The following RMND1 variants were observed in gnomAD, a reference collection of about 807,000 sequenced individuals.
RMND1 encodes the protein required for meiotic nuclear division 1 homolog.
Under a neutral mutation model 54.0 loss-of-function variants are expected in RMND1, and 41 were observed. That is an observed-to-expected ratio of 0.76 (90% confidence interval 0.59 to 0.98). The LOEUF (loss-of-function observed/expected upper bound fraction) is 0.98. Ranked by LOEUF, RMND1 falls within the 50% of genes least tolerant of loss-of-function variation. The pLI, the probability that RMND1 is intolerant of heterozygous loss-of-function variation, is 0.00. For missense variants in RMND1, 457 were observed against 532.0 expected, an observed-to-expected ratio of 0.86 and a Z score of 1.39; for synonymous variants, 183 against 181.7, an observed-to-expected ratio of 1.01 and a Z score of -0.06.
chr6:151,433,416 G>A (rs555244344), intron 3 of RMND1, among the ~76,000 whole-genome samples, 186 bp from the exon 4 acceptor site: 9 of 151,580 alleles, frequency 5.9e-5, no homozygotes, highest in East Asian at 1.9e-4. Context: ...ATGCAAATAC[G>A]ACCACCAAAA....
chr6:151,417,738 G>C (rs1350390483), intron 9 of RMND1, among the ~76,000 whole-genome samples: 1 of 151,430 alleles, frequency 6.6e-6, no homozygotes, highest in African/African-American at 2.4e-5. Context: ...TCAAACTTCT[G>C]AACCAAATTA....
chr6:151,427,286 G>C (rs963641789), intron 6 of RMND1, among the ~76,000 whole-genome samples, 196 bp downstream of exon 6: 1 of 151,652 alleles, frequency 6.6e-6, no homozygotes, highest in Non-Finnish European at 1.5e-5. Flanking sequence ...TGAGGCAGGA[G>C]AATTGCTTGA....
chr6:151,413,064 T>A (rs9371217), intron 10 of RMND1, among the ~76,000 whole-genome samples: 50,200 of 151,958 alleles, frequency 0.33, 9,666 homozygotes, highest in African/African-American at 0.54. Context: ...CTTCTGGACA[T>A]CAGCTTATGA....
At chr6:151,421,154 T>C in intron 9 of RMND1, 91 bp downstream of exon 9, 1 of 915,424 alleles carries the variant, frequency 1.1e-6, no homozygotes, top group Non-Finnish European at 1.7e-6. Flanking sequence ...CATAAACGTG[T>C]AAATGTTTGC....
intron 10 of RMND1, among the ~76,000 whole-genome samples, chr6:151,409,124 G>C (rs1244289067): frequency 1.3e-5 from 2 of 152,180 alleles, no homozygotes; most frequent in African/African-American, 4.8e-5. Flanking sequence ...CTGGGAAAAG[G>C]TCCAGTCTGG....
intron 2 of RMND1, 60 bp downstream of exon 2, chr6:151,445,248 C>CAGCTA: frequency 6.5e-7 from 1 of 1,528,976 alleles, no homozygotes; most frequent in Non-Finnish European, 8.8e-7. Flanking sequence ...GTGCAACGCA[C>CAGCTA]ACTGGTTTAG....
chr6:151,428,148 C>T (rs1466213954), intron 5 of RMND1, among the ~76,000 whole-genome samples: 1 of 151,922 alleles, frequency 6.6e-6, no homozygotes, highest in Non-Finnish European at 1.5e-5. Context: ...AAAGTAAAGC[C>T]CAACATACTA....
chr6:151,417,295 A>G lies in RMND1; in HGVS notation c.1184T>C (p.Ile395Thr). ...AATACGTACCTTAACTCTTCGGCCA[A>G]TGCTAAGGAATTGACACGTTTTATC... ...LYDKTCQFLS[I>T]GRRVKVMNEK... The change falls in exon 10 of 12, where the codon ATT becomes ACT. Residue 395 changes from isoleucine (I) to threonine (T), a missense_variant. Coordinates refer to ENST00000444024, the MANE Select transcript of RMND1 (RefSeq NM_017909.4). 1.2e-6 allele frequency: 2 copies of G among 1,612,260 alleles called. No homozygotes were observed. The highest frequency in any genetic ancestry group is 8.5e-7 in the Non-Finnish European group (1 of 1,179,562).
At chr6:151,411,021 G>A (rs1234207141) in intron 10 of RMND1, among the ~76,000 whole-genome samples, 1 of 152,124 alleles carries the variant, frequency 6.6e-6, no homozygotes, top group African/African-American at 2.4e-5. Flanking sequence ...GTGCAGTGGT[G>A]CAATCTCAGC....
intron 1 of RMND1, among the ~76,000 whole-genome samples, chr6:151,448,815 A>G (rs145128942): frequency 6.6e-6 from 1 of 152,318 alleles, no homozygotes; most frequent in Admixed American, 6.5e-5. Flanking sequence ...CCAACCAGGC[A>G]TGGCGGCTCA....
intron 5 of RMND1, among the ~76,000 whole-genome samples, chr6:151,429,420 C>T (rs770646041): frequency 3.3e-5 from 5 of 152,008 alleles, no homozygotes; most frequent in East Asian, 1.9e-4. Context: ...CATGCCTGGC[C>T]GTATAATCTG....
At chr6:151,414,578 G>T (rs1779945997) in intron 10 of RMND1, among the ~76,000 whole-genome samples, 1 of 152,086 alleles carries the variant, frequency 6.6e-6, no homozygotes, top group Non-Finnish European at 1.5e-5. Flanking sequence ...GAAAAAGCAG[G>T]AAGTCTCTGC....
chr6:151,405,788 G>A lies in RMND1; in HGVS notation c.1249C>T (p.Arg417Trp), dbSNP rs1258941551. The A allele has an allele frequency of 5.6e-6, 9 of 1,612,174 alleles. No individual in the cohort carries two copies. Among genetic ancestry groups the A allele is most frequent in the Non-Finnish European group, 7.6e-6 (9 of 1,178,542 alleles). The part of the protein sequence containing the change: ...QHCMELTDLM[R>W]NHLNEKRALR... Reference sequence around the variant, plus strand: ...GCCCTCTTCTCATTCAGGTGATTCCGCATTAGATCTGTTAGTTCCATGCAG... The same window carrying A: ...GCCCTCTTCTCATTCAGGTGATTCCACATTAGATCTGTTAGTTCCATGCAG... Residue 417 changes from arginine to tryptophan, a missense_variant, in exon 11 of 12, where the codon CGG becomes TGG. Physicochemically the swap from Arg to Trp is moderately radical, Grantham distance 101. Transcript: ENST00000444024.
rs887378420 is a variant in RMND1, at chr6:151,433,554, C to T, written c.614-324G>A. ...TAATAAAGTCTTAGGTTCCATACAA[C>T]TAAGTGTCAAGAATTAAACTTCTTT... On this transcript the variant is annotated intron_variant, in intron 3 of 11. Transcript: ENST00000444024. Among the ~76,000 whole-genome samples the T allele has an allele frequency of 5.3e-5, 8 of 152,230 alleles. 1 individual carries two copies. The South Asian group carries it at 1.5e-3, about 28-fold the overall frequency.
chr6:151,421,040 C>T lies in RMND1; in HGVS notation c.1079+205G>A, dbSNP rs77006391. 3.6e-3 allele frequency: 1,617 copies of T among 454,338 alleles called. 11 individuals are homozygous for T. Among genetic ancestry groups the T allele is most frequent in the Non-Finnish European group, 5.2e-3 (1,299 of 251,174 alleles). 28.1% of individuals were successfully genotyped at this position (454,338 alleles called of 1,614,324 possible). On this transcript the variant is annotated intron_variant, in intron 9 of 11. Transcript: ENST00000444024. ...TAGATGAATCGTGATCTCTTTTGCA[C>T]ATGCGTGATTTCTTTCAGTACAGTC...
At chr6:151,438,847 C>T (rs559107588) in intron 2 of RMND1, among the ~76,000 whole-genome samples, 29 of 151,490 alleles carry the variant, frequency 1.9e-4, no homozygotes, top group Non-Finnish European at 2.9e-4. Flanking sequence ...GGCCCAATGA[C>T]TCACGTCTGT....
intron 10 of RMND1, among the ~76,000 whole-genome samples, chr6:151,410,526 G>A (rs541373222): frequency 2.4e-4 from 36 of 152,154 alleles, no homozygotes; most frequent in African/African-American, 7.0e-4. Context: ...AACTGCCTTC[G>A]GGATGCTGAG....
chr6:151,408,321 G>C (rs113699960), intron 10 of RMND1, among the ~76,000 whole-genome samples: 1 of 151,970 alleles, frequency 6.6e-6, no homozygotes, highest in African/African-American at 2.4e-5. Flanking sequence ...GCGAAACCCC[G>C]TCTCTACTAA....
At chr6:151,450,509 CGCCCCGTCCGGG>C (rs1319849014) in intron 1 of RMND1, among the ~76,000 whole-genome samples, 4 of 139,610 alleles carry the variant, frequency 2.9e-5, no homozygotes, top group Non-Finnish European at 6.2e-5. Flanking sequence ...CCCGGCCAGC[CGCCCCGTCCGGG>C]AGGGAGGTGG....
Sources: gnomAD v4.1 joint callset for allele counts (sites outside exome capture counted in the v4.1 genomes callset) on GRCh38, gnomAD v4.1.1 for gene constraint, MANE v1.5 for transcripts, NCBI Gene and HGNC (gene_info 2026-07-23, HGNC 2026-07-21) for gene names.